Variants in CNTN1 observed in about 807,000 individuals in gnomAD.
The protein encoded by CNTN1 is contactin 1, also known as contactin-1.
A neutral mutation model predicts 126.4 loss-of-function variants in CNTN1; 38 were observed. The observed-to-expected ratio is 0.30, with a 90% CI of 0.23 to 0.39. The LOEUF is 0.39. Among genes scored for constraint, CNTN1 ranks in the 10% least tolerant of loss-of-function variants. The probability of loss-of-function intolerance (pLI) is 1.00; values close to 1 mark genes in which losing one functional copy is unlikely to be tolerated. For synonymous variants in CNTN1, 413 were observed against 422.6 expected (o/e 0.98, Z 0.28); for missense variants, 1,009 against 1,248.4 (o/e 0.81, Z 2.89).
intron 1 of CNTN1, among the ~76,000 whole-genome samples, chr12:40,739,687 G>A (rs1006054806): frequency 1.3e-5 from 2 of 151,958 alleles, no homozygotes; most frequent in Non-Finnish European, 2.9e-5. Flanking sequence ...AACAAGTATG[G>A]TCAAATGCTA....
At chr12:40,980,458 A>T (rs1947792799) in intron 15 of CNTN1, among the ~76,000 whole-genome samples, 1 of 151,498 alleles carries the variant, frequency 6.6e-6, no homozygotes, top group African/African-American at 2.4e-5. Flanking sequence ...CAAAAAAAAA[A>T]AAAAAAGCCA....
chr12:40,754,395 A>G (rs1938521491), intron 1 of CNTN1, among the ~76,000 whole-genome samples: 1 of 152,134 alleles, frequency 6.6e-6, no homozygotes. Flanking sequence ...GCATACTTTA[A>G]ATCATGTCTA....
intron 23 of CNTN1, among the ~76,000 whole-genome samples, chr12:41,058,791 A>G (rs1489670714): frequency 6.6e-6 from 1 of 152,170 alleles, no homozygotes; most frequent in African/African-American, 2.4e-5. Flanking sequence ...GAAACTGAAC[A>G]AGCACAATCT....
At chr12:41,040,927 C>T (rs1394077419) in intron 23 of CNTN1, among the ~76,000 whole-genome samples, 1 of 143,232 alleles carries the variant, frequency 7.0e-6, no homozygotes, top group Non-Finnish European at 1.5e-5. Flanking sequence ...GCCTAATTGC[C>T]CTGGCCAGAA....
chr12:40,971,615 C>G, intron 15 of CNTN1: 1 of 1,510,832 alleles, frequency 6.6e-7, no homozygotes, highest in East Asian at 2.5e-5. Flanking sequence ...CTCCCCACCC[C>G]CAACCTAGTT....
chr12:41,044,175 A>T (rs1423522175), intron 23 of CNTN1, among the ~76,000 whole-genome samples: 2 of 151,882 alleles, frequency 1.3e-5, no homozygotes, highest in Non-Finnish European at 2.9e-5. Context: ...AAAAAAATAA[A>T]ATAAAAAATT....
chr12:40,826,742 A>C (rs1295205766), intron 1 of CNTN1, among the ~76,000 whole-genome samples: 2 of 152,216 alleles, frequency 1.3e-5, no homozygotes, highest in South Asian at 4.1e-4. Flanking sequence ...CAGCATAATT[A>C]TCAATTGGCA....
rs201037986 is a variant in CNTN1, at chr12:40,929,811, G to T, written c.512G>T (p.Arg171Leu). ...PYHFPDDLSY[R>L]WLLNEFPVFI... The stretch of plus-strand genomic sequence containing the variant: ...TTTCTCCTAGATGATCTTAGCTATC[G>T]CTGGCTTCTAAATGAATTTCCTGTA... The change falls in exon 7 of 24, where the codon CGC (arginine) becomes CTC (leucine). Residue 171 changes from arginine (R) to leucine (L), a missense_variant. By Grantham distance (102) the Arg-to-Leu change is moderately radical (BLOSUM62 -2). Coordinates refer to ENST00000551295, the MANE Select transcript of CNTN1 (RefSeq NM_001843.4). The T allele has an allele frequency of 6.2e-7, 1 of 1,611,402 alleles. No individual in the cohort carries two copies. Among genetic ancestry groups the T allele is most frequent in the Non-Finnish European group, 8.5e-7 (1 of 1,178,266 alleles).
At chr12:40,734,025 T>G (rs1182181131) in intron 1 of CNTN1, among the ~76,000 whole-genome samples, 2 of 152,252 alleles carry the variant, frequency 1.3e-5, no homozygotes, top group South Asian at 4.1e-4. Flanking sequence ...AAAAAGTAAG[T>G]GTTGACTGAT....
intron 17 of CNTN1, among the ~76,000 whole-genome samples, chr12:40,997,436 A>ACTAAAT (rs1219604206): frequency 3.3e-5 from 5 of 151,918 alleles, no homozygotes; most frequent in African/African-American, 1.2e-4. Flanking sequence ...TCTTTCATTT[A>ACTAAAT]GTATTCTTTC....
At chr12:41,058,765 T>C (rs1213478901) in intron 23 of CNTN1, among the ~76,000 whole-genome samples, 2 of 152,152 alleles carry the variant, frequency 1.3e-5, no homozygotes, top group Non-Finnish European at 2.9e-5. Flanking sequence ...AGAATTATTT[T>C]ATATCTTCAG....
At chr12:40,866,964 A>G (rs998447279) in intron 1 of CNTN1, among the ~76,000 whole-genome samples, 3 of 152,144 alleles carry the variant, frequency 2.0e-5, no homozygotes, top group African/African-American at 7.2e-5. Flanking sequence ...TAAAAGTTAC[A>G]TACATCACTT....
intron 7 of CNTN1, among the ~76,000 whole-genome samples, chr12:40,931,106 T>G (rs989700031): frequency 6.6e-6 from 1 of 152,016 alleles, no homozygotes; most frequent in Admixed American, 6.6e-5. Flanking sequence ...AATTAGAAAC[T>G]TCACTACAAC....
In CNTN1 at chr12:41,020,319, G is replaced by A. The variant is rs1566158203; in HGVS notation, c.2420-18G>A. 1 of 1,491,710 alleles carries A rather than the reference G, an allele frequency of 6.7e-7. No individual in the cohort carries two copies. The highest frequency in any genetic ancestry group is 1.4e-5 in the African/African-American group (1 of 72,434). The allele number at this position is 1,491,710 out of a possible 1,614,324, so 92.4% of individuals were successfully genotyped here. Reference sequence around the variant, plus strand: ...GTAAATATCTCACTAATAATATAATGTTCTCATAAAATTTCAGCTCCCAGT... The same window carrying A: ...GTAAATATCTCACTAATAATATAATATTCTCATAAAATTTCAGCTCCCAGT... On this transcript the variant is annotated intron_variant, in intron 19 of 23. Coordinates refer to ENST00000551295, the MANE Select transcript of CNTN1 (RefSeq NM_001843.4).
chr12:40,865,590 C>T (rs1943268438), intron 1 of CNTN1, among the ~76,000 whole-genome samples: 1 of 152,012 alleles, frequency 6.6e-6, no homozygotes. Flanking sequence ...GTACCATATA[C>T]TCATTGAACT....
intron 15 of CNTN1, among the ~76,000 whole-genome samples, chr12:40,974,893 A>G (rs999258275): frequency 2.1e-4 from 32 of 152,188 alleles, no homozygotes; most frequent in Admixed American, 1.9e-3. Flanking sequence ...CCCCTTTTTG[A>G]ATGACTAATA....
chr12:40,735,653 T>G (rs1328518806), intron 1 of CNTN1, among the ~76,000 whole-genome samples: 1 of 152,028 alleles, frequency 6.6e-6, no homozygotes, highest in Non-Finnish European at 1.5e-5. Flanking sequence ...TTGACAAAAA[T>G]AGGGATATCT....
intron 1 of CNTN1, among the ~76,000 whole-genome samples, chr12:40,842,175 T>A (rs1942310693): frequency 6.6e-6 from 1 of 152,058 alleles, no homozygotes; most frequent in South Asian, 2.1e-4. Flanking sequence ...AATACGTACA[T>A]TTTACAAGAT....
chr12:40,737,844 A>T (rs1347782598), intron 1 of CNTN1, among the ~76,000 whole-genome samples: 1 of 152,098 alleles, frequency 6.6e-6, no homozygotes, highest in African/African-American at 2.4e-5. Flanking sequence ...CTTGAAACAA[A>T]GATCAAAATA....
Sources: gnomAD v4.1 joint callset for allele counts (sites outside exome capture counted in the v4.1 genomes callset) on GRCh38, gnomAD v4.1.1 for gene constraint, MANE v1.5 for transcripts, NCBI Gene and HGNC (gene_info 2026-07-23, HGNC 2026-07-21) for gene names.